Variants in CFAP74 observed in about 807,000 individuals in gnomAD.
CFAP74 encodes the protein cilia and flagella associated protein 74.
A neutral mutation model predicts 188.9 loss-of-function variants in CFAP74; 124 were observed. That is an observed-to-expected ratio of 0.66 (90% CI 0.57 to 0.76). The LOEUF (loss-of-function observed/expected upper bound fraction) is 0.76. Among genes scored for constraint, CFAP74 ranks in the 30% least tolerant of loss-of-function variants. The probability of loss-of-function intolerance (pLI) is 0.00; values close to 1 mark genes in which losing one functional copy is unlikely to be tolerated. For synonymous variants in CFAP74, 956 were observed against 916.7 expected, an observed-to-expected ratio of 1.04 and a Z score of -0.77; for missense variants, 2,198 against 2,165.2, an observed-to-expected ratio of 1.02 and a Z score of -0.30.
At position 1,988,541 on chromosome 1, in the gene CFAP74, C is replaced by A. The variant is rs780149453; in HGVS notation, c.267G>T (p.Glu89Asp). The change falls in exon 4 of 39, where the codon GAG becomes GAT. Residue 89 changes from glutamate to aspartate, a missense_variant. Coordinates refer to ENST00000682832, the MANE Select transcript of CFAP74 (RefSeq NM_001304360.2). The part of the protein sequence containing the change: ...QNLSALDKMH[E>D]EQELFTEKMR... The stretch of plus-strand genomic sequence containing the variant: ...TCTTCTCAGTGAAAAGCTCTTGCTC[C>A]TCATGCATCTTATCCAGGGCGCTCA... The A allele has an allele frequency of 6.2e-7, 1 of 1,613,182 alleles. No homozygotes were observed. Among genetic ancestry groups the A allele is most frequent in the Non-Finnish European group, 8.5e-7 (1 of 1,180,026 alleles).
At chr1:1,971,573 C>A (rs952952374) in intron 9 of CFAP74, among the ~76,000 whole-genome samples, 1 of 152,392 alleles carries the variant, frequency 6.6e-6, no homozygotes, top group African/African-American at 2.4e-5. Flanking sequence ...CTGCACGTCA[C>A]CTGCCCGCCT....
In CFAP74 at chr1:1,968,678, T is replaced by C; in HGVS notation, c.1202A>G (p.Asp401Gly). The change falls in exon 11 of 39, where the codon GAC (aspartate) becomes GGC (glycine). Residue 401 changes from aspartate to glycine, a missense_variant. Coordinates refer to ENST00000682832, the MANE Select transcript of CFAP74 (RefSeq NM_001304360.2). This position sits in a 1 kb window ranked among gnomAD's most constrained non-coding sequence, Gnocchi z 4.3. ...LRDKTWNYIS[D>G]FCKKTTVPTN... ...TGGGACTGTGGTCTTCTTGCAAAAG[T>C]CAGAAATGTAGTTCCAGGTCTTGTC... The C allele has an allele frequency of 1.2e-6, 2 of 1,613,960 alleles. No homozygotes were observed. The highest frequency in any genetic ancestry group is 1.7e-6 in the Non-Finnish European group (2 of 1,179,958).
At chr1:1,971,127 G>GTGTGCACACACATGCTCGCACA (rs1655986447) in intron 9 of CFAP74, among the ~76,000 whole-genome samples, 1 of 141,114 alleles carries the variant, frequency 7.1e-6, no homozygotes, top group African/African-American at 2.7e-5. Flanking sequence ...ATGCTCACAC[G>GTGTGCACACACATGCTCGCACA]TGCACACACA....
Position 1,996,936 on chromosome 1 carries a change from GA to G in CFAP74, c.-19-5962del, listed in dbSNP as rs1171342444. 9.6e-3 allele frequency among the ~76,000 whole-genome samples: 1,127 copies of G among 116,950 alleles called. 16 individuals are homozygous for G. The highest frequency in any genetic ancestry group is 0.032 in the African/African-American group (982 of 31,038). The allele number at this position is 116,950 out of a possible 152,430, so 76.7% of individuals were successfully genotyped here. On this transcript the variant is annotated intron_variant, in intron 1 of 38. Transcript: ENST00000682832. ...ACTCTGTCTCAAAAAAAAAAAAAAA[GA>G]AAAAAAAAAAGAAGAAGAAGAAATG...
chr1:1,941,936 T>G (rs1570868825), intron 22 of CFAP74, 92 bp downstream of exon 22: 114 of 1,274,886 alleles, frequency 8.9e-5, no homozygotes, highest in Non-Finnish European at 1.0e-4. Flanking sequence ...CCGGCAGCAA[T>G]GAGAACAGAG....
chr1:1,936,217 C>CAAAAAA (rs112657762), intron 25 of CFAP74, among the ~76,000 whole-genome samples: 3 of 100,102 alleles, frequency 3.0e-5, no homozygotes, highest in African/African-American at 1.0e-4. Flanking sequence ...TGCTCCGTCT[C>CAAAAAA]AAAAAAAAAA....
chr1:1,930,462 C>T, intron 25 of CFAP74, 126 bp from the exon 26 acceptor site: 1 of 913,636 alleles, frequency 1.1e-6, no homozygotes, highest in Non-Finnish European at 1.6e-6. Context: ...CACGTTCCTG[C>T]TGCCCAGGGG....
Position 1,923,912 on chromosome 1 carries a change from C to G in CFAP74, c.4252G>C (p.Gly1418Arg), listed in dbSNP as rs151074450. 3.7e-6 allele frequency: 6 copies of G among 1,610,896 alleles called. No individual in the cohort carries two copies. In the African/African-American group the frequency reaches 8.0e-5, roughly 22 times the overall value. The change falls in exon 35 of 39, where the codon GGT (glycine) becomes CGT (arginine). Residue 1418 changes from glycine (G) to arginine (R), a missense_variant. Transcript: ENST00000682832. The surrounding 1 kb of genome is among the most constrained non-coding windows in gnomAD (Gnocchi z 6.3). ...TEVVGTQNLN[G>R]QSVFSVAPVK... ...GGGGCCACGCTGAACACGCTCTGACCGTTGAGATTCTGCGTCCCTGCGGGT... is the reference window on the plus strand; with the variant it reads ...GGGGCCACGCTGAACACGCTCTGACGGTTGAGATTCTGCGTCCCTGCGGGT...
Position 1,939,783 on chromosome 1 carries a change from C to T in CFAP74, c.2704-16G>A, listed in dbSNP as rs1570862937. The T allele has an allele frequency of 1.3e-6, 2 of 1,527,776 alleles. No homozygotes were observed. Among genetic ancestry groups the T allele is most frequent in the Non-Finnish European group, 1.8e-6 (2 of 1,139,850 alleles). 94.6% of individuals were successfully genotyped at this position (1,527,776 alleles called of 1,614,324 possible). ...CTGGCTTGTTCTGAGACATAAAGGG[C>T]ACAGGCGCCCTCGCAGCCACTCGGA... On this transcript the variant is annotated splice_polypyrimidine_tract_variant and intron_variant, in intron 23 of 38. Transcript: ENST00000682832.
At chr1:1,996,117 T>G (rs1657902482) in intron 1 of CFAP74, among the ~76,000 whole-genome samples, 1 of 152,032 alleles carries the variant, frequency 6.6e-6, no homozygotes, top group Non-Finnish European at 1.5e-5. Flanking sequence ...CCTGGGCAGC[T>G]GGGATTACAG....
At chr1:1,972,131 T>C in intron 8 of CFAP74, 49 bp from the exon 9 acceptor site, 2 of 1,394,144 alleles carry the variant, frequency 1.4e-6, no homozygotes, top group Non-Finnish European at 2.0e-6. Flanking sequence ...CCCAGGCTGG[T>C]GTGCAGTGGT....
intron 25 of CFAP74, among the ~76,000 whole-genome samples, chr1:1,932,547 A>G (rs1208576295): frequency 1.3e-5 from 2 of 151,576 alleles, no homozygotes; most frequent in East Asian, 1.9e-4. Context: ...ATTATTTTTG[A>G]GTGGAGATAT....
In CFAP74 at chr1:1,973,116, C is replaced by G; in HGVS notation, c.675-69G>C. ...GTCCCATCTGCCCCCAAGCCCTGCA[C>G]GGCTGGAGCTCGTGTCCCAGAGACG... On this transcript the variant is annotated intron_variant, in intron 7 of 38. Transcript: ENST00000682832. The surrounding 1 kb of genome is among the most constrained non-coding windows in gnomAD (Gnocchi z 6.2). The G allele has an allele frequency of 8.7e-7, 1 of 1,153,082 alleles. No individual in the cohort carries two copies. Among genetic ancestry groups the G allele is most frequent in the South Asian group, 1.3e-5 (1 of 76,248 alleles). The allele number at this position is 1,153,082 out of a possible 1,614,324, so 71.4% of individuals were successfully genotyped here.
At chr1:1,938,813 G>A in intron 25 of CFAP74, 42 bp downstream of exon 25, 1 of 1,526,724 alleles carries the variant, frequency 6.5e-7, no homozygotes, top group Admixed American at 2.0e-5. Flanking sequence ...TCCTGAGCGG[G>A]CACTCCAGGC....
intron 1 of CFAP74, among the ~76,000 whole-genome samples, chr1:1,996,929 A>G (rs1441929030): frequency 1.3e-5 from 2 of 150,662 alleles, no homozygotes; most frequent in African/African-American, 4.9e-5. Context: ...TCAAAAAAAA[A>G]AAAAAAGAAA....
rs536945147 is a variant in CFAP74, at chr1:1,955,859, G to A, written c.2017-9C>T. The A allele has an allele frequency of 6.0e-5, 96 of 1,603,680 alleles. 1 individual carries two copies. The Middle Eastern group carries it at 2.5e-3, about 42-fold the overall frequency. On this transcript the variant is annotated splice_polypyrimidine_tract_variant and intron_variant, in intron 17 of 38. Coordinates refer to ENST00000682832, the MANE Select transcript of CFAP74 (RefSeq NM_001304360.2). The stretch of plus-strand genomic sequence containing the variant: ...TAGGTCAGGAGACTGCTCTAGAGAG[G>A]AGAATCAACATCCTGGCTTGGGAGG...
In CFAP74 at chr1:1,956,865, A is replaced by G. The variant is rs537982796; in HGVS notation, c.1852-81T>C. 5.9e-5 allele frequency: 86 copies of G among 1,452,088 alleles called. No homozygotes were observed. In the South Asian group the frequency reaches 1.0e-3, roughly 17 times the overall value. The allele number at this position is 1,452,088 out of a possible 1,614,324, so 90.0% of individuals were successfully genotyped here. On this transcript the variant is annotated intron_variant, in intron 16 of 38. Transcript: ENST00000682832. The stretch of plus-strand genomic sequence containing the variant: ...CAGCGTGAGGCCTGCACGTGGCTCC[A>G]GGCAGGGCTGCCCTGAGCATTTGTG...
intron 24 of CFAP74, 72 bp from the exon 25 acceptor site, chr1:1,939,060 AGTGT>A (rs1298208379): frequency 1.8e-4 from 256 of 1,435,552 alleles, no homozygotes; most frequent in Non-Finnish European, 2.4e-4. Flanking sequence ...CAGGGCCGTG[AGTGT>A]GAGAGTAAGA....
At position 1,971,103 on chromosome 1, in the gene CFAP74, ACGTGTG is replaced by A. The variant is rs1298485052; in HGVS notation, c.889-293_889-288del. On this transcript the variant is annotated intron_variant, in intron 9 of 38. Transcript: ENST00000682832. Reference sequence around the variant, plus strand: ...CACACTCATACATGCACACCTGCACACGTGTGCACACACATGCTCACACGTGCACAC... The same window carrying A: ...CACACTCATACATGCACACCTGCACACACACACATGCTCACACGTGCACAC... Among the ~76,000 whole-genome samples the A allele has an allele frequency of 6.1e-4, 89 of 146,892 alleles. 1 individual carries two copies. Among genetic ancestry groups the A allele is most frequent in the African/African-American group, 2.0e-3 (74 of 37,686 alleles).
Sources: gnomAD v4.1 joint callset for allele counts (sites outside exome capture counted in the v4.1 genomes callset) on GRCh38, gnomAD v4.1.1 for gene constraint, Gnocchi (gnomAD v3.1) non-coding constraint, MANE v1.5 for transcripts, NCBI Gene and HGNC (gene_info 2026-07-23, HGNC 2026-07-21) for gene names.